The following EDA variants were observed in gnomAD, a reference collection of about 807,000 sequenced individuals.
EDA encodes ectodysplasin-A.
A neutral mutation model predicts 23.6 loss-of-function variants in EDA; 2 were observed. The observed-to-expected ratio is 0.08, with a 90% CI of 0.03 to 0.27. The LOEUF (loss-of-function observed/expected upper bound fraction) is 0.27, where lower values mean the gene tolerates loss of function less well. Ranked by LOEUF, EDA falls within the 10% of genes least tolerant of loss-of-function variation. The probability of loss-of-function intolerance (pLI) is 1.00; values close to 1 mark genes in which losing one functional copy is unlikely to be tolerated. For missense variants in EDA, 229 were observed against 324.2 expected (o/e 0.71, Z 2.26); for synonymous variants, 131 against 132.0 (o/e 0.99, Z 0.05).
At chrX:69,878,892 C>T (rs1394930485) in intron 1 of EDA, among the ~76,000 whole-genome samples, 1 of 110,747 alleles carries the variant, frequency 9.0e-6, no homozygotes, top group African/African-American at 3.3e-5. Flanking sequence ...ACAGTGCATA[C>T]GACTCCTCCA....
chrX:69,896,617 G>A (rs1169720498), intron 1 of EDA, among the ~76,000 whole-genome samples: 4 of 111,138 alleles, frequency 3.6e-5, no homozygotes, highest in Non-Finnish European at 7.5e-5. Context: ...CTCTCATTTT[G>A]TAGGTTATAA....
At chrX:69,864,370 ACAGTT>A (rs2017450614) in intron 1 of EDA, among the ~76,000 whole-genome samples, 3 of 111,290 alleles carry the variant, frequency 2.7e-5, no homozygotes, top group Non-Finnish European at 3.8e-5. Flanking sequence ...AACAGCCACT[ACAGTT>A]CAGCTCTCAG....
chrX:69,895,395 TACACAC>T (rs200298403), intron 1 of EDA, among the ~76,000 whole-genome samples: 196 of 86,105 alleles, frequency 2.3e-3, no homozygotes, highest in Non-Finnish European at 3.4e-3. Flanking sequence ...TTTCTCAACC[TACACAC>T]ACACACACAC....
At chrX:69,725,054 A>C (rs138915633) in intron 1 of EDA, among the ~76,000 whole-genome samples, 169 of 112,284 alleles carry the variant, frequency 1.5e-3, no homozygotes, top group African/African-American at 5.3e-3. Flanking sequence ...ATGCATTATA[A>C]TGCTGCCTTT....
At chrX:69,769,801 T>A (rs919009764) in intron 1 of EDA, among the ~76,000 whole-genome samples, 1 of 111,231 alleles carries the variant, frequency 9.0e-6, no homozygotes, top group African/African-American at 3.3e-5. Flanking sequence ...GATGTCATTT[T>A]ATTTTTTCCT....
At chrX:69,857,468 T>C (rs1456193417) in intron 1 of EDA, among the ~76,000 whole-genome samples, 1 of 111,201 alleles carries the variant, frequency 9.0e-6, no homozygotes, top group Non-Finnish European at 1.9e-5. Context: ...AGTATGGTCA[T>C]TTTCACAATA....
chrX:69,651,852 G>A (rs1025499725), intron 1 of EDA, among the ~76,000 whole-genome samples: 6 of 110,608 alleles, frequency 5.4e-5, no homozygotes, highest in Non-Finnish European at 7.6e-5. Context: ...AGGGACAGGA[G>A]CAGTTCATCC....
chrX:69,968,907 A>G (rs1433284697), intron 2 of EDA, among the ~76,000 whole-genome samples: 1 of 112,290 alleles, frequency 8.9e-6, no homozygotes, highest in Non-Finnish European at 1.9e-5. Flanking sequence ...TGTTTTTGAA[A>G]TGGTGAAGTA....
intron 1 of EDA, among the ~76,000 whole-genome samples, chrX:69,661,512 T>G (rs931411635): frequency 1.8e-5 from 2 of 111,316 alleles, no homozygotes; most frequent in African/African-American, 6.5e-5. Flanking sequence ...CCATTTAGAA[T>G]TAATTTTTGT....
At chrX:69,645,594 G>GTGTGTATATATATATA (rs1569281294) in intron 1 of EDA, among the ~76,000 whole-genome samples, 2 of 50,069 alleles carry the variant, frequency 4.0e-5, no homozygotes, top group South Asian at 1.0e-3. Context: ...TTATATATAT[G>GTGTGTATATATATATA]TGTGTGTGTA....
chrX:69,855,047 A>G (rs1264242448), intron 1 of EDA, among the ~76,000 whole-genome samples: 1 of 110,569 alleles, frequency 9.0e-6, no homozygotes, highest in East Asian at 2.8e-4. Flanking sequence ...TTTGATTTGC[A>G]TTTCCCTAAT....
At chrX:69,907,767 G>A (rs1356782453) in intron 1 of EDA, among the ~76,000 whole-genome samples, 1 of 111,549 alleles carries the variant, frequency 9.0e-6, no homozygotes, top group Admixed American at 9.6e-5. Flanking sequence ...ACAGAAAAGG[G>A]TGAATGGAAC....
At position 69,655,787 on chromosome X, in the gene EDA, T is replaced by TATATATATATATATATATATATATA. The variant is rs6151315; in HGVS notation, c.396+39083_396+39084insATATATATATATATATATATATATA. Among the ~76,000 whole-genome samples the TATATATATATATATATATATATATA allele has an allele frequency of 2.7e-3, 234 of 88,229 alleles. 1 individual carries two copies. The highest frequency in any genetic ancestry group is 4.4e-3 in the African/African-American group (93 of 21,352). The allele number at this position is 88,229 out of a possible 115,157, so 76.6% of individuals were successfully genotyped here. On this transcript the variant is annotated intron_variant, in intron 1 of 7. Coordinates refer to ENST00000374552, the MANE Select transcript of EDA (RefSeq NM_001399.5). ...CTATATATATATATATATATATATA[T>TATATATATATATATATATATATATA]TGCACTTTGTGATTTAAATTATGCT...
At chrX:69,639,381 A>G (rs1213066313) in intron 1 of EDA, among the ~76,000 whole-genome samples, 1 of 111,690 alleles carries the variant, frequency 9.0e-6, no homozygotes, top group African/African-American at 3.3e-5. Flanking sequence ...TCGCATTTTT[A>G]CCAGAGGTGT....
chrX:69,856,767 T>C (rs2017264818), intron 1 of EDA, among the ~76,000 whole-genome samples: 1 of 110,996 alleles, frequency 9.0e-6, no homozygotes, highest in Non-Finnish European at 1.9e-5. Context: ...TTCTGGACGT[T>C]AGTCCTTTGT....
intron 1 of EDA, among the ~76,000 whole-genome samples, chrX:69,949,835 A>T (rs1023340371): frequency 1.3e-4 from 15 of 111,963 alleles, no homozygotes; most frequent in African/African-American, 4.9e-4. Flanking sequence ...AGGTCATTTT[A>T]AAAGTGGCTT....
chrX:69,682,510 A>T (rs1934401546), intron 1 of EDA, among the ~76,000 whole-genome samples: 2 of 112,152 alleles, frequency 1.8e-5, no homozygotes, highest in Admixed American at 1.9e-4. Context: ...CAGGTGTGGG[A>T]TATAATCTCC....
chrX:69,839,749 G>T (rs1367330072), intron 1 of EDA, among the ~76,000 whole-genome samples: 4 of 111,982 alleles, frequency 3.6e-5, no homozygotes, highest in African/African-American at 1.3e-4. Context: ...GCATCGAAAA[G>T]ATGTGATCAG....
At chrX:69,618,880 TTTATC>T (rs200352529) in intron 1 of EDA, among the ~76,000 whole-genome samples, 14,797 of 111,720 alleles carry the variant, frequency 0.13, 811 homozygotes, top group Non-Finnish European at 0.18. Flanking sequence ...TCAACTTAAG[TTTATC>T]TTATCTTGTA....
Sources: gnomAD v4.1 joint callset for allele counts (sites outside exome capture counted in the v4.1 genomes callset) on GRCh38, gnomAD v4.1.1 for gene constraint, MANE v1.5 for transcripts, NCBI Gene and HGNC (gene_info 2026-07-23, HGNC 2026-07-21) for gene names.